Variants in EP400 observed in about 807,000 individuals in gnomAD.
The protein encoded by EP400 is E1A binding protein p400, also known as E1A-binding protein p400.
Under a neutral mutation model 354.1 loss-of-function variants are expected in EP400, and 105 were observed. That is an observed-to-expected ratio of 0.30 (90% CI 0.25 to 0.35). The LOEUF (loss-of-function observed/expected upper bound fraction) is 0.35. EP400 is among the 10% of genes least tolerant of loss of function. The probability of loss-of-function intolerance (pLI) is 1.00; values close to 1 mark genes in which losing one functional copy is unlikely to be tolerated. For missense variants in EP400, 3,280 were observed against 4,121.0 expected (o/e 0.80, Z 5.59); for synonymous variants, 1,646 against 1,716.9 (o/e 0.96, Z 1.02).
chr12:132,056,425 G>A (rs569049890), intron 45 of EP400, among the ~76,000 whole-genome samples: 2 of 148,516 alleles, frequency 1.3e-5, no homozygotes, highest in East Asian at 2.0e-4. Flanking sequence ...CACAACACAC[G>A]CACACACACA....
intron 21 of EP400, 114 bp from the exon 22 acceptor site, chr12:132,019,935 T>C (rs1199963172): frequency 7.0e-6 from 8 of 1,143,910 alleles, no homozygotes; most frequent in Non-Finnish European, 9.5e-6. Flanking sequence ...CTCTGGGTGC[T>C]GGTCCCTGAG....
rs1894399448 is a variant in EP400 at position 132,029,115 on chromosome 12, C to T, written c.5382-586C>T. The T allele has an allele frequency of 6.5e-6, 1 of 153,460 alleles. No individual in the cohort carries two copies. Among genetic ancestry groups the T allele is most frequent in the Non-Finnish European group, 1.4e-5 (1 of 69,036 alleles). 9.5% of individuals were successfully genotyped at this position (153,460 alleles called of 1,614,324 possible). ...AGTACTGATTTGTCTTTGTGTACTC[C>T]TCCCTCATTGAACATCATGGGTGAC... On this transcript the variant is annotated intron_variant, in intron 27 of 52. Transcript: ENST00000389561. The surrounding 1 kb of genome is among the most constrained non-coding windows in gnomAD (Gnocchi z 4.7).
chr12:132,026,243 G>A (rs571779604), intron 25 of EP400, among the ~76,000 whole-genome samples: 1 of 152,256 alleles, frequency 6.6e-6, no homozygotes, highest in South Asian at 2.1e-4. Flanking sequence ...GCCTGCCTTG[G>A]CCCCAGGTCT....
rs1243530704 is a variant in EP400 at position 132,054,577 on chromosome 12, G to C, written c.7729-397G>C. ...GCTAAGGCCTGAATGACAAGGAGTTGGTCATAAGAAGAACAAAACAGCAAG... is the reference window on the plus strand; with the variant it reads ...GCTAAGGCCTGAATGACAAGGAGTTCGTCATAAGAAGAACAAAACAGCAAG... On this transcript the variant is annotated intron_variant, in intron 43 of 52. Transcript: ENST00000389561. The surrounding 1 kb of genome is among the most constrained non-coding windows in gnomAD (Gnocchi z 4.0). Among the ~76,000 whole-genome samples, 2 of 152,150 alleles carry C rather than the reference G, an allele frequency of 1.3e-5. No homozygotes were observed. Among genetic ancestry groups the C allele is most frequent in the African/African-American group, 4.8e-5 (2 of 41,426 alleles).
intron 2 of EP400, among the ~76,000 whole-genome samples, chr12:131,976,918 A>G (rs1320027208): frequency 6.6e-6 from 1 of 152,020 alleles, no homozygotes; most frequent in Admixed American, 6.6e-5. Flanking sequence ...CTCTTGTTCA[A>G]GCCAGTGAGA....
At position 131,989,259 on chromosome 12, in the gene EP400, C is replaced by T. The variant is rs563345408; in HGVS notation, c.2410-705C>T. 6.6e-5 allele frequency among the ~76,000 whole-genome samples: 10 copies of T among 152,338 alleles called. No homozygotes were observed. The South Asian group carries it at 8.3e-4, about 13-fold the overall frequency. On this transcript the variant is annotated intron_variant, in intron 7 of 52. Coordinates refer to ENST00000389561, the MANE Select transcript of EP400 (RefSeq NM_015409.5). ...ATCTGCAGCCAGGCCTGCCCTTCCCCGTGCCTCCTGCCTCTCGCTGGGGTA... is the reference window on the plus strand; with the variant it reads ...ATCTGCAGCCAGGCCTGCCCTTCCCTGTGCCTCCTGCCTCTCGCTGGGGTA...
chr12:132,067,166 T>C lies in EP400; in HGVS notation c.8750-196T>C. On this transcript the variant is annotated intron_variant, in intron 49 of 52. Transcript: ENST00000389561. This position sits in a 1 kb window ranked among gnomAD's most constrained non-coding sequence, Gnocchi z 5.3. ...GTCCTCAATTGAACTGTTAACATTC[T>C]GAAATTTCCGTCTTAATTTAAGTGT... The C allele has an allele frequency of 8.6e-7, 1 of 1,158,694 alleles. No homozygotes were observed. The highest frequency in any genetic ancestry group is 1.2e-6 in the Non-Finnish European group (1 of 834,682). 71.8% of individuals were successfully genotyped at this position (1,158,694 alleles called of 1,614,324 possible).
intron 5 of EP400, 94 bp from the exon 6 acceptor site, chr12:131,986,420 C>G: frequency 7.7e-7 from 1 of 1,291,912 alleles, no homozygotes; most frequent in Non-Finnish European, 1.1e-6. Context: ...TGGCAGTGCG[C>G]GTCTCTGGTG....
chr12:132,050,798 GA>G lies in EP400; in HGVS notation c.7394+144del. 1 of 996,412 alleles carries G rather than the reference GA, an allele frequency of 1.0e-6. No homozygotes were observed. Among genetic ancestry groups the G allele is most frequent in the Non-Finnish European group, 1.5e-6 (1 of 648,016 alleles). 61.7% of individuals were successfully genotyped at this position (996,412 alleles called of 1,614,324 possible). A position where few individuals can be genotyped will look rare whatever the true frequency, so the allele number is the denominator to read the frequency against. On this transcript the variant is annotated intron_variant, in intron 41 of 52. Coordinates refer to ENST00000389561, the MANE Select transcript of EP400 (RefSeq NM_015409.5). The surrounding 1 kb of genome is among the most constrained non-coding windows in gnomAD (Gnocchi z 4.8). ...ACGTGGCAGTGCGCAGAACCTGCAG[GA>G]GAGAGGTGCTTTTCCTGCCGTGGGC...
chr12:132,017,963 T>A lies in EP400; in HGVS notation c.4110+242T>A, dbSNP rs371968680. ...GAGTGGAAAGATGCAGAGGGCAGGC[T>A]TTCTTGGCGTTGTGTGGATTGTGGG... is the stretch of plus-strand genomic sequence containing the variant. On this transcript the variant is annotated intron_variant, in intron 20 of 52. Coordinates refer to ENST00000389561, the MANE Select transcript of EP400 (RefSeq NM_015409.5). The surrounding 1 kb of genome is among the most constrained non-coding windows in gnomAD (Gnocchi z 5.0). Among the ~76,000 whole-genome samples the A allele has an allele frequency of 6.6e-6, 1 of 152,172 alleles. No individual in the cohort carries two copies. The highest frequency in any genetic ancestry group is 6.5e-5 in the Admixed American group (1 of 15,280).
intron 29 of EP400, chr12:132,031,475 G>A: frequency 4.2e-6 from 2 of 473,844 alleles, no homozygotes; most frequent in South Asian, 3.2e-5. Flanking sequence ...CTGCACAGAA[G>A]AGCTGGAATA....
In EP400 at chr12:131,979,713, G is replaced by A. The variant is rs1466600897; in HGVS notation, c.1355G>A (p.Ser452Asn). 2 of 1,608,748 alleles carry A rather than the reference G, an allele frequency of 1.2e-6. No individual in the cohort carries two copies. The highest frequency in any genetic ancestry group is 1.3e-5 in the African/African-American group (1 of 74,634). The part of the protein sequence containing the change: ...INDEQQALAG[S>N]LVAGAGSTVE... The stretch of plus-strand genomic sequence containing the variant: ...TCCCAGCAGCAAGCCCTCGCAGGGA[G>A]CCTGGTAGCAGGGGCCGGAAGCACA... The change falls in exon 3 of 53, where the codon AGC becomes AAC. Residue 452 changes from serine to asparagine, a missense_variant. By Grantham distance (46) the Ser-to-Asn change is conservative. Around this residue, in one of 20 missense-constraint regions of EP400, gnomAD observed 800 missense variants for 840.0 expected, o/e 0.95. Transcript: ENST00000389561.
intron 48 of EP400, 47 bp from the exon 49 acceptor site, chr12:132,066,727 C>A (rs1359679750): frequency 6.4e-7 from 1 of 1,562,506 alleles, no homozygotes; most frequent in African/African-American, 1.4e-5. Context: ...GAAAGACATA[C>A]CGTGTCCTGA....
chr12:131,967,762 C>T (rs1488760659), intron 2 of EP400, among the ~76,000 whole-genome samples: 1 of 151,652 alleles, frequency 6.6e-6, no homozygotes, highest in African/African-American at 2.4e-5. Context: ...TTTGTGTTCC[C>T]AGTAGCAATG....
At chr12:132,064,069 C>G (rs73164905) in intron 47 of EP400, among the ~76,000 whole-genome samples, 4 of 145,754 alleles carry the variant, frequency 2.7e-5, no homozygotes, top group African/African-American at 7.8e-5. Flanking sequence ...TCACCTGCCC[C>G]GGTTCAACCA....
intron 5 of EP400, among the ~76,000 whole-genome samples, chr12:131,985,372 G>A (rs1301152296): frequency 1.3e-5 from 2 of 152,238 alleles, no homozygotes; most frequent in African/African-American, 4.8e-5. Flanking sequence ...ATTTCCAAAC[G>A]CCTGTGGCCA....
chr12:131,971,743 T>G (rs1265508564), intron 2 of EP400, among the ~76,000 whole-genome samples: 1 of 152,144 alleles, frequency 6.6e-6, no homozygotes, highest in Non-Finnish European at 1.5e-5. Context: ...AAAATGTTTA[T>G]TTCTTAAGGC....
At chr12:132,049,991 G>A (rs571849498) in intron 39 of EP400, among the ~76,000 whole-genome samples, 13 of 152,326 alleles carry the variant, frequency 8.5e-5, no homozygotes, top group East Asian at 7.7e-4. Flanking sequence ...CTCACAGCCC[G>A]CTCCACACAG....
At position 132,029,681 on chromosome 12, in the gene EP400, A is replaced by G; in HGVS notation, c.5382-20A>G. On this transcript the variant is annotated intron_variant, in intron 27 of 52. Transcript: ENST00000389561. This position sits in a 1 kb window ranked among gnomAD's most constrained non-coding sequence, Gnocchi z 4.7. ...GTGTGTGGCTCCTGGTGGTGACAAA[A>G]CATGCTTTCTGCTCCTCAGGGTGGC... The G allele has an allele frequency of 6.2e-7, 1 of 1,607,378 alleles. No homozygotes were observed. The highest frequency in any genetic ancestry group is 8.5e-7 in the Non-Finnish European group (1 of 1,176,448).
Sources: gnomAD v4.1 joint callset for allele counts (sites outside exome capture counted in the v4.1 genomes callset) on GRCh38, gnomAD v4.1.1 for gene constraint, gnomAD v4.1.1 regional missense constraint, Gnocchi (gnomAD v3.1) non-coding constraint, MANE v1.5 for transcripts, NCBI Gene and HGNC (gene_info 2026-07-23, HGNC 2026-07-21) for gene names.